The following TRPM3 variants were observed in gnomAD, a reference collection of about 807,000 sequenced individuals.
TRPM3 encodes transient receptor potential cation channel subfamily M member 3.
Under a neutral mutation model 181.2 loss-of-function variants are expected in TRPM3, and 77 were observed. The observed-to-expected ratio is 0.42, with a 90% CI of 0.35 to 0.51. TRPM3 has a LOEUF of 0.51. TRPM3 is among the 20% of genes least tolerant of loss of function. TRPM3 has a pLI of 0.01. For missense variants in TRPM3, 1,759 were observed against 2,196.7 expected (o/e 0.80, Z 3.98); for synonymous variants, 745 against 796.4 (o/e 0.94, Z 1.09).
intron 1 of TRPM3, among the ~76,000 whole-genome samples, chr9:71,345,615 G>A (rs2091250820): frequency 6.6e-6 from 1 of 152,026 alleles, no homozygotes; most frequent in Admixed American, 6.6e-5. Flanking sequence ...GGGAAGGAGA[G>A]CATTAGGAGA....
chr9:70,905,235 T>C (rs1033769659), intron 1 of TRPM3, among the ~76,000 whole-genome samples: 2 of 152,216 alleles, frequency 1.3e-5, no homozygotes, highest in African/African-American at 4.8e-5. Flanking sequence ...AAGTTAAGTA[T>C]GTTTGAGATT....
chr9:70,782,506 C>T (rs11142589), intron 7 of TRPM3, among the ~76,000 whole-genome samples: 22,969 of 152,098 alleles, frequency 0.15, 2,303 homozygotes, highest in East Asian at 0.38. Flanking sequence ...GCCTCTGTGC[C>T]TGACCCTTGG....
intron 1 of TRPM3, among the ~76,000 whole-genome samples, chr9:71,243,845 T>G (rs1001733906): frequency 1.5e-4 from 23 of 152,310 alleles, no homozygotes; most frequent in African/African-American, 5.5e-4. Flanking sequence ...CAATGGGCTG[T>G]TATATAAAAT....
chr9:70,860,378 A>G (rs1384488065), intron 3 of TRPM3, among the ~76,000 whole-genome samples: 1 of 152,158 alleles, frequency 6.6e-6, no homozygotes, highest in Non-Finnish European at 1.5e-5. Flanking sequence ...TCTTTGTAGG[A>G]AGAATACCAA....
intron 7 of TRPM3, among the ~76,000 whole-genome samples, chr9:70,783,527 C>G (rs1460342692): frequency 6.6e-6 from 1 of 152,046 alleles, no homozygotes; most frequent in Non-Finnish European, 1.5e-5. Context: ...GCATTAAGAG[C>G]CTAACAGACC....
intron 1 of TRPM3, among the ~76,000 whole-genome samples, chr9:71,127,755 C>T (rs892437052): frequency 1.3e-5 from 2 of 152,178 alleles, no homozygotes; most frequent in Non-Finnish European, 2.9e-5. Flanking sequence ...AGTCCATAAG[C>T]GCACAGGCCA....
intron 19 of TRPM3, among the ~76,000 whole-genome samples, 161 bp downstream of exon 19, chr9:70,610,448 C>A (rs1482741413): frequency 6.6e-6 from 1 of 152,142 alleles, no homozygotes; most frequent in Non-Finnish European, 1.5e-5. Flanking sequence ...GCCTAACAAA[C>A]GCCACAAATC....
rs893528339 is a variant in TRPM3, at chr9:71,379,965, TGTGTTCA to T, written c.183+66681_183+66687del. On this transcript the variant is annotated intron_variant, in intron 1 of 24. Coordinates refer to the TRPM3 transcript ENST00000357533. Reference sequence around the variant, plus strand: ...TGTTCTTAACCACTATGCATTGCCATGTGTTCAGTCCCTAGTTTCTGGTTCTATTTTC... The same window carrying T: ...TGTTCTTAACCACTATGCATTGCCATGTCCCTAGTTTCTGGTTCTATTTTC... Among the ~76,000 whole-genome samples, 48 of 152,182 alleles carry T rather than the reference TGTGTTCA, an allele frequency of 3.2e-4. 1 individual carries two copies. The East Asian group carries it at 3.7e-3, about 12-fold the overall frequency.
At position 70,610,825 on chromosome 9, in the gene TRPM3, T is replaced by C. The variant is rs909593977; in HGVS notation, c.2527-76A>G. ...TTGTTCAATGTGCTTACTTTACAGATGAGGAAAGGATGCTCATAGAACCTA... is the reference window on the plus strand; with the variant it reads ...TTGTTCAATGTGCTTACTTTACAGACGAGGAAAGGATGCTCATAGAACCTA... On this transcript the variant is annotated intron_variant, in intron 18 of 25. Coordinates refer to ENST00000677713, the MANE Select transcript of TRPM3 (RefSeq NM_001366145.2). The C allele has an allele frequency of 1.2e-5, 19 of 1,553,522 alleles. No homozygotes were observed. The African/African-American group carries it at 2.3e-4, about 19-fold the overall frequency.
At chr9:71,348,349 C>T (rs2091409482) in intron 1 of TRPM3, among the ~76,000 whole-genome samples, 2 of 151,962 alleles carry the variant, frequency 1.3e-5, no homozygotes, top group South Asian at 4.1e-4. Flanking sequence ...AATTCAGTTA[C>T]CCCACTACTT....
chr9:70,952,484 C>T (rs141598476), intron 1 of TRPM3, among the ~76,000 whole-genome samples: 85 of 152,274 alleles, frequency 5.6e-4, no homozygotes, highest in Middle Eastern at 3.4e-3. Context: ...TACCAACATA[C>T]TTACTTGTTT....
intron 1 of TRPM3, among the ~76,000 whole-genome samples, chr9:71,000,417 G>T (rs1390090198): frequency 6.6e-6 from 1 of 152,136 alleles, no homozygotes; most frequent in Non-Finnish European, 1.5e-5. Flanking sequence ...CAGATCCATG[G>T]CCAGGCCTCT....
intron 1 of TRPM3, among the ~76,000 whole-genome samples, chr9:71,395,259 T>C (rs1161550549): frequency 6.6e-6 from 1 of 152,232 alleles, no homozygotes; most frequent in Admixed American, 6.5e-5. Context: ...TCTCTTGTAC[T>C]CAATTTGGCA....
intron 1 of TRPM3, among the ~76,000 whole-genome samples, chr9:70,971,539 CA>C (rs149898700): frequency 0.013 from 2,012 of 152,114 alleles, 28 homozygotes; most frequent in East Asian, 0.076. Flanking sequence ...AATTGTCTTT[CA>C]GGGGGGAAAT....
At chr9:70,849,663 A>C (rs1367150697) in intron 3 of TRPM3, among the ~76,000 whole-genome samples, 1 of 152,226 alleles carries the variant, frequency 6.6e-6, no homozygotes, top group Non-Finnish European at 1.5e-5. Flanking sequence ...GGTAACAATT[A>C]GAGTTATGGC....
chr9:71,087,050 A>C (rs2133846319), intron 1 of TRPM3, among the ~76,000 whole-genome samples: 1 of 152,116 alleles, frequency 6.6e-6, no homozygotes, highest in Non-Finnish European at 1.5e-5. Context: ...TGATTCTTGA[A>C]AATTTTTGGA....
chr9:71,050,814 C>T (rs574585958), intron 1 of TRPM3, among the ~76,000 whole-genome samples: 2 of 152,206 alleles, frequency 1.3e-5, no homozygotes, highest in Non-Finnish European at 2.9e-5. Context: ...ATCTTGGCCT[C>T]TCTTCAAATA....
chr9:70,624,815 G>A (rs1200184032), intron 14 of TRPM3, among the ~76,000 whole-genome samples: 1 of 152,076 alleles, frequency 6.6e-6, no homozygotes, highest in Admixed American at 6.6e-5. Context: ...GTTTTTGTTT[G>A]TAAACATGTT....
rs76369768 is a variant in TRPM3, at chr9:71,059,222, A to G, written c.177+61956T>C. Among the ~76,000 whole-genome samples, 741 of 151,766 alleles carry G rather than the reference A, an allele frequency of 4.9e-3. 18 individuals carry two copies. In the East Asian group the frequency reaches 0.077, roughly 16 times the overall value. ...GCATCTCTTCCTCACCCTCTTGCCT[A>G]CAATCTCGGGATTTCCCTTGTTGCC... On this transcript the variant is annotated intron_variant, in intron 1 of 25. Transcript: ENST00000677713.
Sources: allele counts gnomAD v4.1 joint callset (sites outside exome capture counted in the v4.1 genomes callset), GRCh38; gene constraint gnomAD v4.1.1; transcripts MANE v1.5; gene names NCBI Gene and HGNC (gene_info 2026-07-23, HGNC 2026-07-21).